The following GRIA4 variants were observed in gnomAD, a reference collection of about 807,000 sequenced individuals.
The protein encoded by GRIA4 is glutamate ionotropic receptor AMPA type subunit 4.
Under a neutral mutation model 104.0 loss-of-function variants are expected in GRIA4, and 34 were observed. That is an observed-to-expected ratio of 0.33 (90% CI 0.25 to 0.44). The LOEUF is 0.44. Ranked by LOEUF, GRIA4 falls within the 20% of genes least tolerant of loss-of-function variation. GRIA4 has a pLI of 1.00. For missense variants in GRIA4, 750 were observed against 1,096.5 expected (o/e 0.68, Z 4.46); for synonymous variants, 386 against 381.9 (o/e 1.01, Z -0.13).
chr11:105,721,110 T>G (rs1211821813), intron 3 of GRIA4, among the ~76,000 whole-genome samples: 1 of 152,160 alleles, frequency 6.6e-6, no homozygotes, highest in Non-Finnish European at 1.5e-5. Context: ...ATCTAGCTGG[T>G]CACACCATGA....
chr11:105,742,148 A>T (rs1939352038), intron 3 of GRIA4, among the ~76,000 whole-genome samples: 1 of 152,172 alleles, frequency 6.6e-6, no homozygotes, highest in Non-Finnish European at 1.5e-5. Flanking sequence ...TTATCATAAC[A>T]GTTTATAAGC....
intron 4 of GRIA4, among the ~76,000 whole-genome samples, chr11:105,760,316 C>T (rs904140430): frequency 3.3e-5 from 5 of 152,152 alleles, no homozygotes; most frequent in African/African-American, 1.2e-4. Flanking sequence ...AATGCATTTC[C>T]TCCTCTGCAT....
At chr11:105,619,036 T>G (rs1950671646) in intron 3 of GRIA4, among the ~76,000 whole-genome samples, 1 of 150,584 alleles carries the variant, frequency 6.6e-6, no homozygotes, top group South Asian at 2.1e-4. Context: ...CAACATAGGT[T>G]TTTCCTTTTC....
At chr11:105,910,237 C>A (rs1414416758) in intron 9 of GRIA4, among the ~76,000 whole-genome samples, 198 bp from the exon 10 acceptor site, 1 of 152,022 alleles carries the variant, frequency 6.6e-6, no homozygotes, top group African/African-American at 2.4e-5. Context: ...TGTAACAAGA[C>A]AGGATCCTTA....
At chr11:105,972,575 A>G (rs924224300) in intron 15 of GRIA4, among the ~76,000 whole-genome samples, 6 of 152,274 alleles carry the variant, frequency 3.9e-5, no homozygotes, top group African/African-American at 1.2e-4. Flanking sequence ...TACTTGCCCA[A>G]TTGAAATTGT....
intron 3 of GRIA4, among the ~76,000 whole-genome samples, chr11:105,620,277 T>A (rs1465091103): frequency 4.0e-5 from 6 of 151,858 alleles, no homozygotes; most frequent in Non-Finnish European, 7.4e-5. Flanking sequence ...TATAATGGAG[T>A]ACTGTGTGCC....
intron 3 of GRIA4, among the ~76,000 whole-genome samples, chr11:105,680,446 CA>C (rs1321348244): frequency 6.6e-6 from 1 of 151,710 alleles, no homozygotes; most frequent in Non-Finnish European, 1.5e-5. Context: ...GCTGAATCTT[CA>C]AAAAAAGGTC....
intron 6 of GRIA4, among the ~76,000 whole-genome samples, chr11:105,888,377 G>A (rs1946349624): frequency 8.0e-6 from 1 of 125,520 alleles, no homozygotes; most frequent in Non-Finnish European, 1.6e-5. Context: ...TCCGCCTCCC[G>A]GGTTCACGCC....
chr11:105,694,087 C>T (rs918388097), intron 3 of GRIA4, among the ~76,000 whole-genome samples: 2 of 152,040 alleles, frequency 1.3e-5, no homozygotes, highest in Non-Finnish European at 2.9e-5. Context: ...AATAGGTAAA[C>T]TAGCCCTGTC....
intron 3 of GRIA4, among the ~76,000 whole-genome samples, chr11:105,644,331 G>A (rs1280770703): frequency 6.6e-6 from 1 of 151,782 alleles, no homozygotes; most frequent in Non-Finnish European, 1.5e-5. Context: ...TTTGGCTCGC[G>A]CCTGTAATCC....
chr11:105,778,993 T>A (rs1941586839), intron 4 of GRIA4, among the ~76,000 whole-genome samples: 2 of 132,324 alleles, frequency 1.5e-5, no homozygotes, highest in Non-Finnish European at 3.1e-5. Context: ...TGTCCATGTG[T>A]TCTCATTGTT....
chr11:105,715,806 G>A (rs981976276), intron 3 of GRIA4, among the ~76,000 whole-genome samples: 4 of 152,046 alleles, frequency 2.6e-5, no homozygotes, highest in Admixed American at 2.6e-4. Context: ...TCATCTCGTG[G>A]CGCTACCATC....
At chr11:105,815,560 T>A (rs1428059487) in intron 4 of GRIA4, among the ~76,000 whole-genome samples, 1 of 152,122 alleles carries the variant, frequency 6.6e-6, no homozygotes, top group Non-Finnish European at 1.5e-5. Context: ...TCTTTTATGC[T>A]GCCTAGTCCA....
At chr11:105,662,007 T>TTGTGTG (rs34715406) in intron 3 of GRIA4, among the ~76,000 whole-genome samples, 73,321 of 149,512 alleles carry the variant, frequency 0.49, 18,051 homozygotes, top group East Asian at 0.56. Context: ...GTGTGTGTGT[T>TTGTGTG]TGTGTGTGTG....
At chr11:105,888,982 AAG>A (rs1946371376) in intron 6 of GRIA4, among the ~76,000 whole-genome samples, 2 of 152,122 alleles carry the variant, frequency 1.3e-5, no homozygotes, top group Admixed American at 1.3e-4. Context: ...TAATTACTAT[AAG>A]AGAAAAAAAC....
chr11:105,725,778 G>A (rs749309766), intron 3 of GRIA4, among the ~76,000 whole-genome samples: 6 of 152,060 alleles, frequency 3.9e-5, no homozygotes, highest in Admixed American at 6.6e-5. Flanking sequence ...CACCTCACCC[G>A]GGAAGCACAA....
intron 4 of GRIA4, among the ~76,000 whole-genome samples, chr11:105,839,361 G>A (rs1944307229): frequency 6.6e-6 from 1 of 151,378 alleles, no homozygotes; most frequent in Non-Finnish European, 1.5e-5. Context: ...TCCCTGATAT[G>A]CCTTCCATTA....
chr11:105,759,140 A>G (rs1248785475), intron 4 of GRIA4, among the ~76,000 whole-genome samples: 1 of 152,142 alleles, frequency 6.6e-6, no homozygotes, highest in Non-Finnish European at 1.5e-5. Flanking sequence ...GGTATTAGTA[A>G]AAATTATATT....
chr11:105,651,338 C>T (rs1951680864), intron 3 of GRIA4, among the ~76,000 whole-genome samples: 1 of 147,744 alleles, frequency 6.8e-6, no homozygotes, highest in African/African-American at 2.5e-5. Flanking sequence ...GCACTTATTT[C>T]TGAATCTGTG....
Sources: gnomAD v4.1 joint callset for allele counts (sites outside exome capture counted in the v4.1 genomes callset) on GRCh38, gnomAD v4.1.1 for gene constraint, MANE v1.5 for transcripts, NCBI Gene and HGNC (gene_info 2026-07-23, HGNC 2026-07-21) for gene names.